The following PACS1 variants were observed in gnomAD, a reference collection of about 807,000 sequenced individuals.
PACS1 encodes the protein phosphofurin acidic cluster sorting protein 1, also known as PACS-1.
Under a neutral mutation model 115.0 loss-of-function variants are expected in PACS1, and 24 were observed. The ratio of observed to expected loss-of-function variants is 0.21; its 90% CI spans 0.15 to 0.29. The LOEUF (loss-of-function observed/expected upper bound fraction) is 0.29, where lower values mean the gene tolerates loss of function less well. PACS1 is among the 10% of genes least tolerant of loss of function. The pLI is 1.00. For missense variants in PACS1, 838 were observed against 1,251.2 expected, an observed-to-expected ratio of 0.67 and a Z score of 4.98; for synonymous variants, 453 against 504.5, an observed-to-expected ratio of 0.90 and a Z score of 1.37.
At chr11:66,242,236 T>C (rs1855830842) in intron 22 of PACS1, among the ~76,000 whole-genome samples, 1 of 152,164 alleles carries the variant, frequency 6.6e-6, no homozygotes, top group Non-Finnish European at 1.5e-5. Context: ...CCTGCCACCG[T>C]TGGTGCCAGC....
At chr11:66,225,590 G>A (rs1855455672) in intron 10 of PACS1, among the ~76,000 whole-genome samples, 1 of 152,172 alleles carries the variant, frequency 6.6e-6, no homozygotes, top group Non-Finnish European at 1.5e-5. Context: ...GTTGTATACT[G>A]TAAATATATA....
Position 66,230,860 on chromosome 11 carries a change from C to T in PACS1, c.1546C>T (p.Arg516Trp), listed in dbSNP as rs1281652291. The change falls in exon 13 of 24, where the codon CGG (arginine) becomes TGG (tryptophan). Residue 516 changes from arginine to tryptophan, a missense_variant. Transcript: ENST00000320580. The part of the protein sequence containing the change: ...RQKRSTPLKE[R>W]QLSKPLSERT... ...GAAGAGGAGCACGCCCCTGAAGGAG[C>T]GGCAGCTCTCCAAGCCCCTAAGTGA... 6 of 1,614,072 alleles carry T rather than the reference C, an allele frequency of 3.7e-6. No individual in the cohort carries two copies. The highest frequency in any genetic ancestry group is 5.1e-6 in the Non-Finnish European group (6 of 1,179,938).
chr11:66,192,854 C>T (rs1234200818), intron 1 of PACS1, among the ~76,000 whole-genome samples: 1 of 152,124 alleles, frequency 6.6e-6, no homozygotes, highest in Admixed American at 6.5e-5. Flanking sequence ...TTTTGAGTTG[C>T]GGGGAATTTC....
chr11:66,157,195 A>T (rs1186619725), intron 1 of PACS1, among the ~76,000 whole-genome samples: 2 of 152,134 alleles, frequency 1.3e-5, no homozygotes, highest in Non-Finnish European at 2.9e-5. Context: ...TCCCTCCCCA[A>T]CCCCACTAAA....
intron 1 of PACS1, among the ~76,000 whole-genome samples, chr11:66,170,231 A>G (rs1565132496): frequency 6.7e-6 from 1 of 150,332 alleles, no homozygotes; most frequent in African/African-American, 2.5e-5. Flanking sequence ...TATGCTTTCT[A>G]TTCTGTGAAA....
At chr11:66,155,057 T>C (rs1859321009) in intron 1 of PACS1, among the ~76,000 whole-genome samples, 1 of 152,192 alleles carries the variant, frequency 6.6e-6, no homozygotes, top group Non-Finnish European at 1.5e-5. Flanking sequence ...TTTCAACACA[T>C]GGTACAGCAG....
At chr11:66,098,769 G>T (rs1456380768) in intron 1 of PACS1, among the ~76,000 whole-genome samples, 1 of 152,174 alleles carries the variant, frequency 6.6e-6, no homozygotes, top group Non-Finnish European at 1.5e-5. Flanking sequence ...GGTTGTTCTT[G>T]TCCACAACCG....
In PACS1 at chr11:66,231,363, G is replaced by A. The variant is rs560402982; in HGVS notation, c.1626+423G>A. ...CTGAGTATTGCTGTGGGCGGTCATC[G>A]TGCTTTCAAGCCGGGAAGCCAACAA... On this transcript the variant is annotated intron_variant, in intron 13 of 23. Coordinates refer to ENST00000320580, the MANE Select transcript of PACS1 (RefSeq NM_018026.4). Among the ~76,000 whole-genome samples the A allele has an allele frequency of 1.0e-3, 159 of 152,358 alleles. 2 individuals carry two copies. In the South Asian group the frequency reaches 0.028, roughly 27 times the overall value.
chr11:66,090,532 G>T (rs1857643320), intron 1 of PACS1, among the ~76,000 whole-genome samples: 1 of 152,084 alleles, frequency 6.6e-6, no homozygotes, highest in Non-Finnish European at 1.5e-5. Context: ...GCCTCCCAAA[G>T]TGCTGGGATT....
chr11:66,075,310 G>A (rs1190277940), intron 1 of PACS1, among the ~76,000 whole-genome samples: 1 of 152,012 alleles, frequency 6.6e-6, no homozygotes, highest in Non-Finnish European at 1.5e-5. Flanking sequence ...GCACAATCAC[G>A]GCTCATTGCA....
At chr11:66,206,791 C>A (rs1385874386) in intron 2 of PACS1, among the ~76,000 whole-genome samples, 1 of 152,116 alleles carries the variant, frequency 6.6e-6, no homozygotes, top group Non-Finnish European at 1.5e-5. Context: ...AGGTGAGGGC[C>A]ATGCAGGTAT....
At chr11:66,144,868 C>T (rs758718646) in intron 1 of PACS1, among the ~76,000 whole-genome samples, 2 of 152,186 alleles carry the variant, frequency 1.3e-5, no homozygotes, top group Non-Finnish European at 2.9e-5. Context: ...CTCCTGACCT[C>T]AGGTGATCCA....
At chr11:66,166,676 C>G (rs1288595592) in intron 1 of PACS1, among the ~76,000 whole-genome samples, 1 of 150,642 alleles carries the variant, frequency 6.6e-6, no homozygotes, top group African/African-American at 2.5e-5. Context: ...CATTCACTTT[C>G]ATTGCTGGAT....
At position 66,241,613 on chromosome 11, in the gene PACS1, C is replaced by T. The variant is rs756883026; in HGVS notation, c.2616C>T (p.Thr872=). The part of the protein sequence containing the change: ...PHSGEAQLSG[T]MAMTVVTKEK... The stretch of plus-strand genomic sequence containing the variant: ...GTGGGGAGGCCCAGCTTTCTGGCAC[C>T]ATGGCCATGACTGTGGTCACCAAAG... Residue 872 remains threonine, a synonymous_variant, in exon 22 of 24, where the codon ACC becomes ACT. Transcript: ENST00000320580. The T allele has an allele frequency of 3.7e-6, 6 of 1,614,034 alleles. No homozygotes were observed. In the African/African-American group the frequency reaches 5.3e-5, roughly 14 times the overall value.
At chr11:66,131,773 A>G (rs1858710480) in intron 1 of PACS1, among the ~76,000 whole-genome samples, 1 of 152,080 alleles carries the variant, frequency 6.6e-6, no homozygotes, top group Non-Finnish European at 1.5e-5. Flanking sequence ...ATGTAAAAAA[A>G]AAAGGCATTA....
chr11:66,227,400 T>G lies in PACS1; in HGVS notation c.1294-104T>G, dbSNP rs1460344366. ...AAAAGCCCTGAAGATTTTATGAGGT[T>G]TGAGATTAAATGAAAGTATTTTAAG... is the stretch of plus-strand genomic sequence containing the variant. On this transcript the variant is annotated intron_variant, in intron 10 of 23. Coordinates refer to ENST00000320580, the MANE Select transcript of PACS1 (RefSeq NM_018026.4). 4 of 684,762 alleles carry G rather than the reference T, an allele frequency of 5.8e-6. No individual in the cohort carries two copies. The East Asian group carries it at 1.2e-4, about 20-fold the overall frequency. 42.4% of individuals were successfully genotyped at this position (684,762 alleles called of 1,614,324 possible).
At chr11:66,098,260 C>T (rs544973208) in intron 1 of PACS1, among the ~76,000 whole-genome samples, 15 of 151,998 alleles carry the variant, frequency 9.9e-5, no homozygotes, top group African/African-American at 2.2e-4. Flanking sequence ...TTATATATGA[C>T]GGGTTAAGTT....
chr11:66,177,014 C>T (rs1262922129), intron 1 of PACS1, among the ~76,000 whole-genome samples: 2 of 152,160 alleles, frequency 1.3e-5, no homozygotes, highest in Non-Finnish European at 2.9e-5. Flanking sequence ...TCTTGATTTA[C>T]TTAGCTCCAT....
At chr11:66,231,227 C>T (rs1392662261) in intron 13 of PACS1, among the ~76,000 whole-genome samples, 1 of 152,244 alleles carries the variant, frequency 6.6e-6, no homozygotes, top group South Asian at 2.1e-4. Flanking sequence ...TCCACACCAC[C>T]GGTGTCTCTG....
Sources: gnomAD v4.1 joint callset for allele counts (sites outside exome capture counted in the v4.1 genomes callset) on GRCh38, gnomAD v4.1.1 for gene constraint, MANE v1.5 for transcripts, NCBI Gene and HGNC (gene_info 2026-07-23, HGNC 2026-07-21) for gene names.